The following COLEC12 variants were observed in gnomAD, a reference collection of about 807,000 sequenced individuals.
The protein encoded by COLEC12 is collectin-12.
A neutral mutation model predicts 71.1 loss-of-function variants in COLEC12; 33 were observed. The ratio of observed to expected loss-of-function variants is 0.46; its 90% confidence interval spans 0.35 to 0.62. The LOEUF (loss-of-function observed/expected upper bound fraction) is 0.62, where lower values mean the gene tolerates loss of function less well. COLEC12 is among the 20% of genes least tolerant of loss of function. The probability of loss-of-function intolerance (pLI) is 0.00; values close to 1 mark genes in which losing one functional copy is unlikely to be tolerated. For synonymous variants in COLEC12, 350 were observed against 353.0 expected (o/e 0.99, Z 0.10); for missense variants, 765 against 916.1 (o/e 0.84, Z 2.13).
intron 2 of COLEC12, among the ~76,000 whole-genome samples, chr18:395,836 A>T (rs1010525191): frequency 6.6e-6 from 1 of 152,122 alleles, no homozygotes; most frequent in Non-Finnish European, 1.5e-5. Flanking sequence ...CCCCCCATCC[A>T]TCCTCTTGAA....
chr18:422,717 G>A (rs1916122096), intron 2 of COLEC12, among the ~76,000 whole-genome samples: 1 of 152,026 alleles, frequency 6.6e-6, no homozygotes, highest in African/African-American at 2.4e-5. Flanking sequence ...CACACACACA[G>A]AACCTATGCA....
chr18:368,822 CGT>C (rs1914927112), intron 2 of COLEC12, among the ~76,000 whole-genome samples: 2 of 152,154 alleles, frequency 1.3e-5, no homozygotes, highest in Non-Finnish European at 2.9e-5. Flanking sequence ...GCCGAGATCA[CGT>C]CACTGCACTC....
intron 1 of COLEC12, among the ~76,000 whole-genome samples, chr18:497,072 G>A (rs765549048): frequency 2.6e-5 from 4 of 152,114 alleles, no homozygotes; most frequent in Admixed American, 6.5e-5. Flanking sequence ...CTGCAGCAAC[G>A]GGGAAAGTCA....
At chr18:486,341 T>G (rs1162439977) in intron 1 of COLEC12, among the ~76,000 whole-genome samples, 1 of 152,192 alleles carries the variant, frequency 6.6e-6, no homozygotes, top group Admixed American at 6.5e-5. Flanking sequence ...TGCGCCATTA[T>G]GCCTGCCTAA....
chr18:329,725 C>A (rs1200313603), intron 8 of COLEC12, among the ~76,000 whole-genome samples: 1 of 152,208 alleles, frequency 6.6e-6, no homozygotes, highest in Non-Finnish European at 1.5e-5. Context: ...ACCTTCAGAG[C>A]AGACCTAAAA....
intron 2 of COLEC12, among the ~76,000 whole-genome samples, chr18:364,085 T>A (rs140744640): frequency 6.8e-4 from 104 of 152,356 alleles, no homozygotes; most frequent in African/African-American, 2.4e-3. Flanking sequence ...TACATTCAAA[T>A]TCTGTGCATT....
chr18:496,587 C>T (rs1279734382), intron 1 of COLEC12, among the ~76,000 whole-genome samples: 1 of 152,126 alleles, frequency 6.6e-6, no homozygotes, highest in East Asian at 1.9e-4. Flanking sequence ...CTCAGAGAGA[C>T]ACTGAAAAAG....
intron 1 of COLEC12, among the ~76,000 whole-genome samples, chr18:493,624 A>G (rs930241955): frequency 6.6e-6 from 1 of 152,224 alleles, no homozygotes; most frequent in African/African-American, 2.4e-5. Flanking sequence ...ATGAGCACAG[A>G]AGCTATATTT....
At chr18:442,544 T>C (rs897658452) in intron 2 of COLEC12, among the ~76,000 whole-genome samples, 10 of 152,242 alleles carry the variant, frequency 6.6e-5, no homozygotes, top group African/African-American at 2.4e-4. Context: ...TGCTTCTATG[T>C]GAGTTCAAGT....
At chr18:417,412 T>C (rs1463477801) in intron 2 of COLEC12, among the ~76,000 whole-genome samples, 1 of 152,200 alleles carries the variant, frequency 6.6e-6, no homozygotes, top group Non-Finnish European at 1.5e-5. Flanking sequence ...CAAAACATCA[T>C]TATGCAGTGC....
At chr18:498,370 T>TA (rs1917753059) in intron 1 of COLEC12, among the ~76,000 whole-genome samples, 1 of 146,424 alleles carries the variant, frequency 6.8e-6, no homozygotes, top group African/African-American at 2.6e-5. Context: ...TTTCTTTTTT[T>TA]TTTTTTTAGA....
rs1914756296 is a variant in COLEC12, at chr18:362,089, T to G, written c.59-4567A>C. ...ACAGGTCCTGACTCCAGCACACTCA[T>G]CTTTCCCTCCCATCCTTCCCCGTGA... On this transcript the variant is annotated intron_variant, in intron 2 of 9. Transcript: ENST00000400256. This position sits in a 1 kb window ranked among gnomAD's most constrained non-coding sequence, Gnocchi z 4.6. Among the ~76,000 whole-genome samples the G allele has an allele frequency of 6.6e-6, 1 of 152,162 alleles. No individual in the cohort carries two copies. The highest frequency in any genetic ancestry group is 1.5e-5 in the Non-Finnish European group (1 of 68,024).
chr18:364,808 C>G (rs1020727998), intron 2 of COLEC12, among the ~76,000 whole-genome samples: 1 of 152,064 alleles, frequency 6.6e-6, no homozygotes, highest in African/African-American at 2.4e-5. Context: ...GGCCAGGAAC[C>G]CTCTCCTGGT....
chr18:350,357 T>G (rs1914485905), intron 3 of COLEC12, among the ~76,000 whole-genome samples: 1 of 152,292 alleles, frequency 6.6e-6, no homozygotes, highest in Non-Finnish European at 1.5e-5. Flanking sequence ...TCCCCAGCCA[T>G]GTGGAACTGT....
At chr18:486,813 G>C (rs1372617515) in intron 1 of COLEC12, among the ~76,000 whole-genome samples, 2 of 152,208 alleles carry the variant, frequency 1.3e-5, no homozygotes, top group Non-Finnish European at 2.9e-5. Context: ...CAAAAAGATA[G>C]ACAACAAGTG....
rs544390913 is a variant in COLEC12, at chr18:388,036, G to A, written c.59-30514C>T. Among the ~76,000 whole-genome samples the A allele has an allele frequency of 2.8e-4, 42 of 152,268 alleles. 1 individual carries two copies. The highest frequency in any genetic ancestry group is 9.4e-4 in the African/African-American group (39 of 41,552). ...GTATCTTCCCCGCAAAACAGTTTAC[G>A]GAATTGGCTAGTAGGCAGACAGATG... On this transcript the variant is annotated intron_variant, in intron 2 of 9. Transcript: ENST00000400256.
chr18:454,444 G>A (rs578120555), intron 2 of COLEC12, among the ~76,000 whole-genome samples: 10 of 152,286 alleles, frequency 6.6e-5, no homozygotes, highest in African/African-American at 2.2e-4. Context: ...CTCTTTGGGA[G>A]GCCAAGGCAG....
Position 480,964 on chromosome 18 carries a change from T to C in COLEC12, c.8-207A>G, listed in dbSNP as rs1917403654. ...TGGGATGCACTTCCTCTGTTCCTAA[T>C]GTGACTCCTTCGAATTCAGGTCTTA... On this transcript the variant is annotated intron_variant, in intron 1 of 9. Coordinates refer to ENST00000400256, the MANE Select transcript of COLEC12 (RefSeq NM_130386.3). The surrounding 1 kb of genome is among the most constrained non-coding windows in gnomAD (Gnocchi z 4.1). Among the ~76,000 whole-genome samples, 1 of 152,168 alleles carries C rather than the reference T, an allele frequency of 6.6e-6. No homozygotes were observed. The highest frequency in any genetic ancestry group is 2.1e-4 in the South Asian group (1 of 4,832).
rs117517437 is a variant in COLEC12 at position 493,751 on chromosome 18, A to G, written c.7+6757T>C. Among the ~76,000 whole-genome samples the G allele has an allele frequency of 3.3e-3, 497 of 152,384 alleles. 13 individuals carry two copies. In the East Asian group the frequency reaches 0.071, roughly 22 times the overall value. On this transcript the variant is annotated intron_variant, in intron 1 of 9. Coordinates refer to ENST00000400256, the MANE Select transcript of COLEC12 (RefSeq NM_130386.3). ...CTTGGTGGCCCAATTATAAATAATA[A>G]AACAGAAATATGACAGCTTAATGGA...
Sources: gnomAD v4.1 joint callset for allele counts (sites outside exome capture counted in the v4.1 genomes callset) on GRCh38, gnomAD v4.1.1 for gene constraint, Gnocchi (gnomAD v3.1) non-coding constraint, MANE v1.5 for transcripts, NCBI Gene and HGNC (gene_info 2026-07-23, HGNC 2026-07-21) for gene names.